Variants in DMD observed in about 807,000 individuals in gnomAD.
The protein encoded by DMD is dystrophin.
DMD carries 63 observed loss-of-function variants against 330.1 expected under a neutral mutation model. The ratio of observed to expected loss-of-function variants is 0.19; its 90% CI spans 0.16 to 0.24. The LOEUF is 0.24. Ranked by LOEUF, DMD falls within the 10% of genes least tolerant of loss-of-function variation. DMD has a pLI of 1.00. For synonymous variants in DMD, 1,223 were observed against 959.8 expected (o/e 1.27, Z -5.07); for missense variants, 3,344 against 2,684.1 (o/e 1.25, Z -5.43).
Position 31,173,661 on chromosome X carries a change from C to G in DMD, c.10263-57G>C, listed in dbSNP as rs1602371263. The G allele has an allele frequency of 2.3e-5, 24 of 1,056,016 alleles. No homozygotes were observed. In the East Asian group the frequency reaches 7.3e-4, roughly 32 times the overall value. The allele number at this position is 1,056,016 out of a possible 1,213,427, so 87.0% of individuals were successfully genotyped here. On this transcript the variant is annotated intron_variant, in intron 71 of 78. Transcript: ENST00000357033. ...TACCATCCATTAATGGAGAAAAAAC[C>G]CACCACACAGTTATGTTATACACAT...
chrX:31,609,920 C>T (rs965214691), intron 55 of DMD, among the ~76,000 whole-genome samples: 3 of 111,470 alleles, frequency 2.7e-5, no homozygotes, highest in African/African-American at 9.8e-5. Flanking sequence ...TTTCTCTTTC[C>T]TTTGTTTCAC....
intron 1 of DMD, among the ~76,000 whole-genome samples, chrX:33,233,797 T>C (rs1420376884): frequency 2.7e-5 from 3 of 110,979 alleles, no homozygotes; most frequent in African/African-American, 1.0e-4. Flanking sequence ...TACACACACA[T>C]GAGTATAGGT....
chrX:32,892,905 A>G (rs1473856640), intron 2 of DMD, among the ~76,000 whole-genome samples: 2 of 111,828 alleles, frequency 1.8e-5, no homozygotes, highest in Admixed American at 9.5e-5. Flanking sequence ...CCCACACATG[A>G]TGCAGGATGA....
intron 62 of DMD, among the ~76,000 whole-genome samples, chrX:31,304,420 T>C (rs1040667587): frequency 4.5e-5 from 5 of 110,859 alleles, no homozygotes; most frequent in Admixed American, 2.9e-4. Context: ...TTCAAAAGCA[T>C]AGGAAAAATT....
At chrX:31,407,781 A>G (rs2061469565) in intron 60 of DMD, among the ~76,000 whole-genome samples, 1 of 110,457 alleles carries the variant, frequency 9.1e-6, no homozygotes, top group South Asian at 3.9e-4. Flanking sequence ...CACCCGATCT[A>G]TCTTATTTTT....
intron 60 of DMD, among the ~76,000 whole-genome samples, chrX:31,438,845 A>G (rs759292007): frequency 8.9e-6 from 1 of 111,941 alleles, no homozygotes; most frequent in Non-Finnish European, 1.9e-5. Context: ...TCCTGTGCTC[A>G]ATGATGGTAA....
intron 6 of DMD, among the ~76,000 whole-genome samples, chrX:32,812,430 C>T (rs1271822597): frequency 9.0e-6 from 1 of 111,688 alleles, no homozygotes; most frequent in African/African-American, 3.3e-5. Context: ...GCCAGGATTT[C>T]GAGACCAGCC....
rs1486586310 is a variant in DMD, at chrX:32,671,911, TCATC to T, written c.960+25955_960+25958del. ...TAGTATGTAACTAACTCAAGTGGGCTCATCCATCATTGGTTTATTGTTTCTCTGA... is the reference window on the plus strand; with the variant it reads ...TAGTATGTAACTAACTCAAGTGGGCTCATCATTGGTTTATTGTTTCTCTGA... On this transcript the variant is annotated intron_variant, in intron 9 of 78. Coordinates refer to ENST00000357033, the MANE Select transcript of DMD (RefSeq NM_004006.3). 3.1e-4 allele frequency among the ~76,000 whole-genome samples: 35 copies of T among 111,716 alleles called. 1 individual carries two copies. The highest frequency in any genetic ancestry group is 1.0e-3 in the African/African-American group (31 of 30,870).
chrX:32,178,689 G>A (rs1244473245), intron 44 of DMD, among the ~76,000 whole-genome samples: 1 of 110,870 alleles, frequency 9.0e-6, no homozygotes, highest in Non-Finnish European at 1.9e-5. Flanking sequence ...TTTAAAAAAA[G>A]ATTCCATATA....
intron 27 of DMD, among the ~76,000 whole-genome samples, chrX:32,442,327 G>A (rs1161692763): frequency 1.8e-5 from 2 of 110,583 alleles, no homozygotes; most frequent in African/African-American, 6.5e-5. Context: ...AATAGAAGAT[G>A]AATAACCCAA....
chrX:32,912,346 G>C (rs2087343339), intron 2 of DMD, among the ~76,000 whole-genome samples: 1 of 110,865 alleles, frequency 9.0e-6, no homozygotes, highest in African/African-American at 3.3e-5. Context: ...ATGGAAGCCT[G>C]GCACACACAG....
At chrX:32,108,669 A>G (rs1376597587) in intron 44 of DMD, among the ~76,000 whole-genome samples, 3 of 112,065 alleles carry the variant, frequency 2.7e-5, no homozygotes, top group African/African-American at 9.7e-5. Flanking sequence ...TTTTATAATC[A>G]TATACCTATA....
chrX:32,705,346 T>G (rs1399164489), intron 7 of DMD, among the ~76,000 whole-genome samples: 1 of 112,386 alleles, frequency 8.9e-6, no homozygotes, highest in African/African-American at 3.2e-5. Context: ...TAATTTGCGT[T>G]GATGAAGATG....
At chrX:32,179,358 C>T (rs757435088) in intron 44 of DMD, among the ~76,000 whole-genome samples, 1 of 111,525 alleles carries the variant, frequency 9.0e-6, no homozygotes, top group Admixed American at 9.5e-5. Flanking sequence ...TGTTTTGGCA[C>T]AAACTGTCAC....
intron 1 of DMD, among the ~76,000 whole-genome samples, chrX:33,210,386 C>T (rs945205883): frequency 7.2e-5 from 8 of 111,084 alleles, no homozygotes; most frequent in Admixed American, 1.9e-4. Context: ...CTTCGGGACA[C>T]ACAGTCCTTA....
At chrX:31,956,350 T>G (rs188240220) in intron 45 of DMD, among the ~76,000 whole-genome samples, 238 of 112,246 alleles carry the variant, frequency 2.1e-3, no homozygotes, top group Middle Eastern at 9.1e-3. Flanking sequence ...GATATTATTC[T>G]AATTGATACA....
intron 7 of DMD, among the ~76,000 whole-genome samples, chrX:32,704,695 A>AG (rs1268229360): frequency 8.9e-6 from 1 of 112,105 alleles, no homozygotes; most frequent in East Asian, 2.8e-4. Flanking sequence ...ACCTCCCCAC[A>AG]GGGTTTGTAT....
chrX:32,972,784 T>C (rs2092429329), intron 2 of DMD, among the ~76,000 whole-genome samples: 1 of 111,940 alleles, frequency 8.9e-6, no homozygotes, highest in South Asian at 3.7e-4. Flanking sequence ...ATAATAATGG[T>C]GTCTAATTCA....
intron 41 of DMD, among the ~76,000 whole-genome samples, chrX:32,315,275 A>T (rs761345514): frequency 3.7e-4 from 41 of 111,524 alleles, no homozygotes; most frequent in Non-Finnish European, 6.4e-4. Flanking sequence ...TTCTCAGCAA[A>T]CTAACACAGG....
Sources: gnomAD v4.1 joint callset for allele counts (sites outside exome capture counted in the v4.1 genomes callset) on GRCh38, gnomAD v4.1.1 for gene constraint, MANE v1.5 for transcripts, NCBI Gene and HGNC (gene_info 2026-07-23, HGNC 2026-07-21) for gene names.